Variants in CDH13 observed in about 807,000 individuals in gnomAD.
CDH13 encodes the protein cadherin-13.
CDH13 carries 24 observed loss-of-function variants against 63.8 expected under a neutral mutation model. The observed-to-expected ratio is 0.38, with a 90% confidence interval of 0.27 to 0.53. The LOEUF (loss-of-function observed/expected upper bound fraction) is 0.53, where lower values mean the gene tolerates loss of function less well. Ranked by LOEUF, CDH13 falls within the 20% of genes least tolerant of loss-of-function variation. The pLI, the probability that CDH13 is intolerant of heterozygous loss-of-function variation, is 0.85. For synonymous variants in CDH13, 503 were observed against 355.3 expected (o/e 1.42, Z -4.67); for missense variants, 1,049 against 903.1 (o/e 1.16, Z -2.07).
intron 2 of CDH13, among the ~76,000 whole-genome samples, chr16:83,006,298 C>T (rs758355619): frequency 6.6e-6 from 1 of 152,186 alleles, no homozygotes; most frequent in Non-Finnish European, 1.5e-5. Context: ...ACAACCTTTC[C>T]TTAATACAGA....
chr16:83,149,560 C>T (rs74033941), intron 4 of CDH13, among the ~76,000 whole-genome samples: 2,290 of 152,200 alleles, frequency 0.015, 68 homozygotes, highest in African/African-American at 0.052. Flanking sequence ...TAGGATACCC[C>T]CATACCCTAT....
intron 7 of CDH13, among the ~76,000 whole-genome samples, chr16:83,568,317 C>G (rs780021829): frequency 1.3e-5 from 2 of 152,160 alleles, no homozygotes; most frequent in Non-Finnish European, 2.9e-5. Flanking sequence ...AGAGTGGTAA[C>G]TAGAAAATTC....
chr16:83,390,306 C>T (rs1157692117), intron 6 of CDH13, among the ~76,000 whole-genome samples: 2 of 152,070 alleles, frequency 1.3e-5, no homozygotes, highest in Non-Finnish European at 2.9e-5. Flanking sequence ...GCAGTGGTCT[C>T]AGCATGCAGC....
At chr16:83,581,111 C>A (rs796494816) in intron 7 of CDH13, among the ~76,000 whole-genome samples, 6 of 152,326 alleles carry the variant, frequency 3.9e-5, no homozygotes, top group African/African-American at 1.4e-4. Flanking sequence ...TGTATTTCAG[C>A]TGGCATGGAA....
At chr16:83,441,733 G>A (rs948781561) in intron 6 of CDH13, among the ~76,000 whole-genome samples, 22 of 152,080 alleles carry the variant, frequency 1.4e-4, no homozygotes, top group Admixed American at 1.2e-3. Flanking sequence ...GGATAGAAAC[G>A]GTGTCTGGGA....
In CDH13 at chr16:82,827,921, G is replaced by A. The variant is rs149866510; in HGVS notation, c.46-30441G>A. On this transcript the variant is annotated intron_variant, in intron 1 of 13. Coordinates refer to ENST00000567109, the MANE Select transcript of CDH13 (RefSeq NM_001257.5). ...TAATGGAGTTAGAATACTCTACCTT[G>A]CAAGGCAGAGTAGGAGTAGAGTATC... Among the ~76,000 whole-genome samples, 369 of 152,230 alleles carry A rather than the reference G, an allele frequency of 2.4e-3. 4 individuals carry two copies. The highest frequency in any genetic ancestry group is 7.9e-3 in the African/African-American group (328 of 41,552).
chr16:82,890,315 C>G (rs1597150007), intron 2 of CDH13, among the ~76,000 whole-genome samples: 1 of 152,190 alleles, frequency 6.6e-6, no homozygotes, highest in Non-Finnish European at 1.5e-5. Context: ...AGTGTATAGG[C>G]TGGAAAGACC....
In CDH13 at chr16:82,846,398, G is replaced by A. The variant is rs944157483; in HGVS notation, c.46-11964G>A. Among the ~76,000 whole-genome samples, 55 of 152,002 alleles carry A rather than the reference G, an allele frequency of 3.6e-4. 1 individual carries two copies. Among genetic ancestry groups the A allele is most frequent in the African/African-American group, 1.2e-3 (49 of 41,472 alleles). On this transcript the variant is annotated intron_variant, in intron 1 of 13. Coordinates refer to ENST00000567109, the MANE Select transcript of CDH13 (RefSeq NM_001257.5). ...CAGCTATCAATATAAATAATAACTAGCACATAACACCTACTGTGAGCCAGT... is the reference window on the plus strand; with the variant it reads ...CAGCTATCAATATAAATAATAACTAACACATAACACCTACTGTGAGCCAGT...
chr16:83,203,075 T>G (rs969185921), intron 4 of CDH13, among the ~76,000 whole-genome samples: 2 of 152,000 alleles, frequency 1.3e-5, no homozygotes, highest in African/African-American at 2.4e-5. Flanking sequence ...AAATACAAAA[T>G]TAGCCAGGCA....
intron 4 of CDH13, among the ~76,000 whole-genome samples, chr16:83,171,840 A>G (rs1567473875): frequency 6.6e-6 from 1 of 152,146 alleles, no homozygotes; most frequent in African/African-American, 2.4e-5. Flanking sequence ...GCAGATCAAC[A>G]TAAGAAATTT....
intron 2 of CDH13, chr16:82,953,658 C>G (rs572939525): frequency 6.6e-6 from 1 of 152,032 alleles, no homozygotes; most frequent in Non-Finnish European, 1.5e-5. Context: ...GTGCAGTTTG[C>G]TAGATAAAGT....
At chr16:82,952,933 G>A (rs1037762876) in intron 2 of CDH13, among the ~76,000 whole-genome samples, 6 of 152,318 alleles carry the variant, frequency 3.9e-5, no homozygotes, top group East Asian at 1.9e-4. Flanking sequence ...GACAAAGGAC[G>A]GAGCAGGGTA....
intron 2 of CDH13, among the ~76,000 whole-genome samples, chr16:82,999,981 A>G (rs1048710491): frequency 2.6e-4 from 40 of 152,254 alleles, no homozygotes; most frequent in African/African-American, 9.1e-4. Flanking sequence ...GGTAGAATTC[A>G]GAGATGCTGT....
At chr16:83,507,241 T>C (rs7189644) in intron 7 of CDH13, among the ~76,000 whole-genome samples, 108,735 of 152,152 alleles carry the variant, frequency 0.71, 39,812 homozygotes, top group East Asian at 0.89. Context: ...AAAAGCAATA[T>C]TTTTATTACA....
rs544409293 is a variant in CDH13 at position 82,653,813 on chromosome 16, G to A, written c.45+26676G>A. 7.5e-4 allele frequency among the ~76,000 whole-genome samples: 114 copies of A among 152,274 alleles called. 1 individual carries two copies. In the South Asian group the frequency reaches 0.02, roughly 26 times the overall value. On this transcript the variant is annotated intron_variant, in intron 1 of 13. Coordinates refer to ENST00000567109, the MANE Select transcript of CDH13 (RefSeq NM_001257.5). ...AGCATGCTTGTGCCTGCACCGGGGC[G>A]CAGGATGGGAGACAGATGCCTTTTG...
Position 82,858,387 on chromosome 16 carries a change from A to C in CDH13, c.71A>C (p.Asp24Ala). Residue 24 changes from aspartate to alanine, a missense_variant, in exon 2 of 14, where the codon GAT becomes GCT. Coordinates refer to ENST00000567109, the MANE Select transcript of CDH13 (RefSeq NM_001257.5). ...GTGCTGCTGCTAACATCTGCAGAAG[A>C]TTTGGACTGCACTCCTGGATTTCAG... is the stretch of plus-strand genomic sequence containing the variant. ...SQVLLLTSAE[D>A]LDCTPGFQQK... The C allele has an allele frequency of 6.2e-7, 1 of 1,613,512 alleles. No homozygotes were observed. The highest frequency in any genetic ancestry group is 8.5e-7 in the Non-Finnish European group (1 of 1,179,488).
intron 5 of CDH13, among the ~76,000 whole-genome samples, chr16:83,221,948 G>A (rs1333480241): frequency 4.6e-5 from 7 of 152,188 alleles, no homozygotes; most frequent in African/African-American, 9.7e-5. Context: ...CTTCACTGAT[G>A]AATTAGATGA....
At chr16:82,627,337 C>CGTGCGTGCGTGTGTGT (rs1555525839) in intron 1 of CDH13, among the ~76,000 whole-genome samples, 200 bp downstream of exon 1, 48 of 131,254 alleles carry the variant, frequency 3.7e-4, no homozygotes, top group African/African-American at 1.1e-3. Context: ...CTCTGGCGTG[C>CGTGCGTGCGTGTGTGT]GTGTGTGTGT....
intron 6 of CDH13, among the ~76,000 whole-genome samples, chr16:83,383,624 TC>T (rs1186682314): frequency 1.3e-5 from 2 of 152,230 alleles, no homozygotes; most frequent in African/African-American, 4.8e-5. Flanking sequence ...TGGTTTTAAT[TC>T]TTTGGGTTGT....
Sources: gnomAD v4.1 joint callset for allele counts (sites outside exome capture counted in the v4.1 genomes callset) on GRCh38, gnomAD v4.1.1 for gene constraint, MANE v1.5 for transcripts, NCBI Gene and HGNC (gene_info 2026-07-23, HGNC 2026-07-21) for gene names.